The following ZFTA variants were observed in gnomAD, a reference collection of about 807,000 sequenced individuals.
ZFTA encodes the protein zinc finger translocation associated, also known as zinc finger translocation-associated protein.
A neutral mutation model predicts 41.8 loss-of-function variants in ZFTA; 35 were observed. The observed-to-expected ratio is 0.84, with a 90% CI of 0.64 to 1.11. The LOEUF (loss-of-function observed/expected upper bound fraction) is 1.11, where lower values mean the gene tolerates loss of function less well. ZFTA is among the 50% of genes most tolerant of loss of function. The pLI, the probability that ZFTA is intolerant of heterozygous loss-of-function variation, is 0.00. For missense variants in ZFTA, 964 were observed against 989.8 expected, an observed-to-expected ratio of 0.97 and a Z score of 0.35; for synonymous variants, 514 against 436.4, an observed-to-expected ratio of 1.18 and a Z score of -2.22.
chr11:63,766,973 C>T (rs924192821), intron 1 of ZFTA, among the ~76,000 whole-genome samples: 2 of 152,228 alleles, frequency 1.3e-5, no homozygotes, highest in Non-Finnish European at 2.9e-5. Context: ...GAGCCAATGA[C>T]CCTGTAAAGG....
At position 63,765,898 on chromosome 11, in the gene ZFTA, C is replaced by CA; in HGVS notation, c.545dup (p.Val184GlyfsTer5). ...CCTCCTCCTCAGCCCCCTGGACCCC[C>CA]AGGCCCTCGGCCTCTCCGCAGGCCC... On this transcript the variant is annotated frameshift_variant, in exon 2 of 5. Coordinates refer to ENST00000433688, the MANE Select transcript of ZFTA (RefSeq NM_001144936.2). LOFTEE classifies it high-confidence loss of function. The surrounding 1 kb of genome is among the most constrained non-coding windows in gnomAD (Gnocchi z 4.0). 1 of 1,548,960 alleles carries CA rather than the reference C, an allele frequency of 6.5e-7. No individual in the cohort carries two copies. The highest frequency in any genetic ancestry group is 8.7e-7 in the Non-Finnish European group (1 of 1,145,954).
At position 63,764,400 on chromosome 11, in the gene ZFTA, G is replaced by C; in HGVS notation, c.1223C>G (p.Ser408Trp). ...GCGGCGGTGGGCGCGGCCCCGCGGCGACCGGCCCGGGACCCCCGCCCTCTC... is the reference window on the plus strand; with the variant it reads ...GCGGCGGTGGGCGCGGCCCCGCGGCCACCGGCCCGGGACCCCCGCCCTCTC... ...EGERAGVPGR[S>W]PRGRAHRRHP... Residue 408 changes from serine (S) to tryptophan (W), a missense_variant, in exon 4 of 5, where the codon TCG becomes TGG. By Grantham distance (177) the Ser-to-Trp change is radical. Transcript: ENST00000433688. The C allele has an allele frequency of 1.5e-6, 2 of 1,294,764 alleles. No homozygotes were observed. The highest frequency in any genetic ancestry group is 2.0e-6 in the Non-Finnish European group (2 of 1,025,120). The allele number at this position is 1,294,764 out of a possible 1,614,324, so 80.2% of individuals were successfully genotyped here.
At position 63,762,308 on chromosome 11, in the gene ZFTA, TAC is replaced by T. The variant is rs2014656381; in HGVS notation, c.*1108_*1109del. The T allele has an allele frequency of 6.6e-6, 1 of 152,056 alleles. No homozygotes were observed. Among genetic ancestry groups the T allele is most frequent in the Non-Finnish European group, 1.5e-5 (1 of 68,030 alleles). 9.4% of individuals were successfully genotyped at this position (152,056 alleles called of 1,614,324 possible). Reference sequence around the variant, plus strand: ...CCCCCTTTCATATAAAAGCATTAAATACAGTTTCAAAATAAAATACAAAGAGC... The same window carrying T: ...CCCCCTTTCATATAAAAGCATTAAATAGTTTCAAAATAAAATACAAAGAGC... On this transcript the variant is annotated 3_prime_UTR_variant, in exon 5 of 5. Transcript: ENST00000433688.
chr11:63,764,190 C>G lies in ZFTA; in HGVS notation c.1433G>C (p.Arg478Pro), dbSNP rs1354203460. The change falls in exon 4 of 5, where the codon CGG (arginine) becomes CCG (proline). Residue 478 changes from arginine (R) to proline (P), a missense_variant. Physicochemically the swap from Arg to Pro is moderately radical, Grantham distance 103. This residue lies in a region of ZFTA where 584 missense variants were observed against 523.1 expected (regional missense o/e 1.12). Transcript: ENST00000433688. ...LGGPVQALIA[R>P]EWSEKAAHLL... ...GTGGGCGGCCTTCTCGCTCCACTCC[C>G]GGGCGATGAGGGCCTGGACAGGCCC... 1 of 1,391,018 alleles carries G rather than the reference C, an allele frequency of 7.2e-7. No homozygotes were observed. The highest frequency in any genetic ancestry group is 9.2e-7 in the Non-Finnish European group (1 of 1,082,978). 86.2% of individuals were successfully genotyped at this position (1,391,018 alleles called of 1,614,324 possible).
Position 63,768,586 on chromosome 11 carries a change from C to T in ZFTA, c.37G>A (p.Gly13Ser). 1.9e-6 allele frequency: 2 copies of T among 1,045,288 alleles called. No individual in the cohort carries two copies. Among genetic ancestry groups the T allele is most frequent in the Non-Finnish European group, 1.1e-6 (1 of 871,702 alleles). The allele number at this position is 1,045,288 out of a possible 1,614,324, so 64.8% of individuals were successfully genotyped here. The change falls in exon 1 of 5, where the codon GGC (glycine) becomes AGC (serine). Residue 13 changes from glycine (G) to serine (S), a missense_variant. Transcript: ENST00000433688. Reference sequence around the variant, plus strand: ...GCTGGCCCGGGGCCGCCCCTGCCGCCGCTGCTCCGGCTCCGGTGGTCCCCG... The same window carrying T: ...GCTGGCCCGGGGCCGCCCCTGCCGCTGCTGCTCCGGCTCCGGTGGTCCCCG... ...PGGDHRSRSS[G>S]GRGGPGPAVA...
intron 3 of ZFTA, 33 bp from the exon 4 acceptor site, chr11:63,764,631 G>T: frequency 1.6e-6 from 2 of 1,263,974 alleles, no homozygotes; most frequent in South Asian, 3.4e-5. Context: ...GAGGGGCTCA[G>T]CCTGCTGGCT....
In ZFTA at chr11:63,762,579, T is replaced by TAGGC. The variant is rs2014661966; in HGVS notation, c.*838_*839insGCCT. ...TCGAAGGCTGACTGCCGGGACCGCC[T>TAGGC]GTGCCCCGGGCTCCCACGGACTTGG... On this transcript the variant is annotated 3_prime_UTR_variant, in exon 5 of 5. Coordinates refer to ENST00000433688, the MANE Select transcript of ZFTA (RefSeq NM_001144936.2). 6.6e-6 allele frequency: 1 copy of TAGGC among 152,330 alleles called. No individual in the cohort carries two copies. The highest frequency in any genetic ancestry group is 1.5e-5 in the Non-Finnish European group (1 of 68,160). The allele number at this position is 152,330 out of a possible 1,614,324, so 9.4% of individuals were successfully genotyped here.
intron 1 of ZFTA, among the ~76,000 whole-genome samples, chr11:63,768,232 G>C (rs934596094): frequency 1.3e-5 from 2 of 151,374 alleles, no homozygotes; most frequent in Non-Finnish European, 3.0e-5. Context: ...CCCCCAAGGC[G>C]GGGCGCTGCG....
rs1419545858 is a variant in ZFTA, at chr11:63,763,226, A to C, written c.*192T>G. ...AGCGCACCGACTGGCTCAGGGACCC[A>C]AGTGGCACCGCGCAGACGCCGGTGG... On this transcript the variant is annotated 3_prime_UTR_variant, in exon 5 of 5. Transcript: ENST00000433688. 4.1e-6 allele frequency: 1 copy of C among 245,234 alleles called. No individual in the cohort carries two copies. Among genetic ancestry groups the C allele is most frequent in the Non-Finnish European group, 7.5e-6 (1 of 133,980 alleles). The allele number at this position is 245,234 out of a possible 1,614,324, so 15.2% of individuals were successfully genotyped here. A position where few individuals can be genotyped will look rare whatever the true frequency, so the allele number is the denominator to read the frequency against.
chr11:63,765,820 C>T lies in ZFTA; in HGVS notation c.624G>A (p.Pro208=), dbSNP rs1051540011. 18 of 1,482,212 alleles carry T rather than the reference C, an allele frequency of 1.2e-5. No homozygotes were observed. In the African/African-American group the frequency reaches 1.8e-4, roughly 15 times the overall value. The allele number at this position is 1,482,212 out of a possible 1,614,324, so 91.8% of individuals were successfully genotyped here. ...CATTTGCATTACCTGGGCCCTTGGG[C>T]GGGCAAGCTGGGACACCGGCCCCCT... ...EEEGAGVPAC[P]PKGPGKAPAG... is the part of the protein sequence containing the mutation. Residue 208 remains proline (P), a synonymous_variant, in exon 2 of 5, where the codon CCG becomes CCA. Transcript: ENST00000433688. The surrounding 1 kb of genome is among the most constrained non-coding windows in gnomAD (Gnocchi z 4.0).
rs1226976842 is a variant in ZFTA at position 63,760,790 on chromosome 11, C to A, written c.*2628G>T. On this transcript the variant is annotated 3_prime_UTR_variant, in exon 5 of 5. Coordinates refer to ENST00000433688, the MANE Select transcript of ZFTA (RefSeq NM_001144936.2). ...GGGCTCATGAAAACACTGCTAGGCC[C>A]CAACCAAGTTTCTGATTCAGTAACC... The A allele has an allele frequency of 6.6e-6, 1 of 152,212 alleles. No individual in the cohort carries two copies. Among genetic ancestry groups the A allele is most frequent in the Admixed American group, 6.5e-5 (1 of 15,280 alleles). 9.4% of individuals were successfully genotyped at this position (152,212 alleles called of 1,614,324 possible).
In ZFTA at chr11:63,764,207, G is replaced by A; in HGVS notation, c.1416C>T (p.Val472=). ...HPGSTRLGGP[V]QALIAREWSE... is the part of the protein sequence containing the mutation. ...TCCACTCCCGGGCGATGAGGGCCTG[G>A]ACAGGCCCGCCGAGGCGCGTGGAGC... Residue 472 remains valine (V), a synonymous_variant, in exon 4 of 5, where the codon GTC becomes GTT. Transcript: ENST00000433688. 1.4e-6 allele frequency: 2 copies of A among 1,416,648 alleles called. No individual in the cohort carries two copies. The highest frequency in any genetic ancestry group is 9.1e-7 in the Non-Finnish European group (1 of 1,096,980). The allele number at this position is 1,416,648 out of a possible 1,614,324, so 87.8% of individuals were successfully genotyped here.
chr11:63,766,148 C>T lies in ZFTA; in HGVS notation c.296G>A (p.Arg99His), dbSNP rs2014741880. Residue 99 changes from arginine to histidine, a missense_variant, in exon 2 of 5, where the codon CGT (arginine) becomes CAT (histidine). Physicochemically the swap from Arg to His is conservative, Grantham distance 29 (BLOSUM62 0). Coordinates refer to ENST00000433688, the MANE Select transcript of ZFTA (RefSeq NM_001144936.2). ...GTCGTGGTAGTAGCGCCGGTGGTCA[C>T]GGCCAGGGATGCGGCTCTTTCCAGG... is the stretch of plus-strand genomic sequence containing the variant. ...SRPGKSRIPG[R>H]DHRRYYHDHW... 3 of 1,516,722 alleles carry T rather than the reference C, an allele frequency of 2.0e-6. No homozygotes were observed. Among genetic ancestry groups the T allele is most frequent in the Non-Finnish European group, 2.7e-6 (3 of 1,129,786 alleles). The allele number at this position is 1,516,722 out of a possible 1,614,324, so 94.0% of individuals were successfully genotyped here.
chr11:63,760,971 AATCTAACCCCTCTGCCCTGGCTT>A lies in ZFTA; in HGVS notation c.*2424_*2446del, dbSNP rs1565056333. On this transcript the variant is annotated 3_prime_UTR_variant, in exon 5 of 5. Coordinates refer to ENST00000433688, the MANE Select transcript of ZFTA (RefSeq NM_001144936.2). ...CTCTCTCTGCCTACGGAGGGGGGGG[AATCTAACCCCTCTGCCCTGGCTT>A]ATCCGAACTTTGGCAGTGGGCTTGA... The A allele has an allele frequency of 6.6e-6, 1 of 151,720 alleles. No homozygotes were observed. Among genetic ancestry groups the A allele is most frequent in the Non-Finnish European group, 1.5e-5 (1 of 67,958 alleles). 9.4% of individuals were successfully genotyped at this position (151,720 alleles called of 1,614,324 possible).
At position 63,766,281 on chromosome 11, in the gene ZFTA, C is replaced by T; in HGVS notation, c.163G>A (p.Gly55Ser). ...GCACTCCCCCAGGACCCCAAGGCAC[C>T]CCCTTCCAGCTGAAGATCTTGCCCT... ...EGGQDLQLEGGALGSWGSAPL... is the reference protein window; with the variant it reads ...EGGQDLQLEGSALGSWGSAPL... Residue 55 changes from glycine (G) to serine (S), a missense_variant, in exon 2 of 5, where the codon GGT (glycine) becomes AGT (serine). Coordinates refer to ENST00000433688, the MANE Select transcript of ZFTA (RefSeq NM_001144936.2). 2 of 1,456,942 alleles carry T rather than the reference C, an allele frequency of 1.4e-6. No homozygotes were observed. The highest frequency in any genetic ancestry group is 1.4e-5 in the South Asian group (1 of 69,778). 90.3% of individuals were successfully genotyped at this position (1,456,942 alleles called of 1,614,324 possible).
intron 1 of ZFTA, among the ~76,000 whole-genome samples, 176 bp downstream of exon 1, chr11:63,768,308 T>C (rs1048549123): frequency 4.0e-5 from 6 of 148,752 alleles, no homozygotes; most frequent in Non-Finnish European, 7.5e-5. Context: ...CCCCGGGAGC[T>C]GGGCGGGGGG....
At position 63,764,359 on chromosome 11, in the gene ZFTA, A is replaced by G. The variant is rs764256292; in HGVS notation, c.1264T>C (p.Trp422Arg). 9.8e-6 allele frequency: 13 copies of G among 1,326,730 alleles called. No homozygotes were observed. In the South Asian group the frequency reaches 1.1e-4, roughly 11 times the overall value. The allele number at this position is 1,326,730 out of a possible 1,614,324, so 82.2% of individuals were successfully genotyped here. A position where few individuals can be genotyped will look rare whatever the true frequency, so the allele number is the denominator to read the frequency against. ...RAHRRHPQER[W>R]RLEYLMELDG... Reference sequence around the variant, plus strand: ...AACTCCATGAGGTACTCCAGCCGCCAGCGCTCCTGGGGGTGGCGGCGGTGG... The same window carrying G: ...AACTCCATGAGGTACTCCAGCCGCCGGCGCTCCTGGGGGTGGCGGCGGTGG... The change falls in exon 4 of 5, where the codon TGG becomes CGG. Residue 422 changes from tryptophan (W) to arginine (R), a missense_variant. Coordinates refer to ENST00000433688, the MANE Select transcript of ZFTA (RefSeq NM_001144936.2).
chr11:63,766,395 T>TG lies in ZFTA; in HGVS notation c.140-92dup, dbSNP rs2014746171. ...GATGGTGAGCCCTGAGAAAGGGAGC[T>TG]GGGGGAGGGGGTGTTCCGGGGCAGG... is the stretch of plus-strand genomic sequence containing the variant. On this transcript the variant is annotated intron_variant, in intron 1 of 4. Coordinates refer to ENST00000433688, the MANE Select transcript of ZFTA (RefSeq NM_001144936.2). 5.8e-6 allele frequency: 8 copies of TG among 1,381,886 alleles called. No homozygotes were observed. In the East Asian group the frequency reaches 2.0e-4, roughly 34 times the overall value. The allele number at this position is 1,381,886 out of a possible 1,614,324, so 85.6% of individuals were successfully genotyped here. A position where few individuals can be genotyped will look rare whatever the true frequency, so the allele number is the denominator to read the frequency against.
Position 63,764,599 on chromosome 11 carries a change from C to T in ZFTA, c.1025-1G>A. On this transcript the variant is annotated splice_acceptor_variant, in intron 3 of 4. Transcript: ENST00000433688. LOFTEE classifies it high-confidence loss of function. ...AGGTCCTGGGGGGCGAGGTCATCGC[C>T]TGTTGGGGAAGGGGTGAGGGAGAGG... The T allele has an allele frequency of 2.4e-6, 3 of 1,256,180 alleles. No individual in the cohort carries two copies. The highest frequency in any genetic ancestry group is 3.0e-6 in the Non-Finnish European group (3 of 997,942). The allele number at this position is 1,256,180 out of a possible 1,614,324, so 77.8% of individuals were successfully genotyped here.
Sources: gnomAD v4.1 joint callset for allele counts (sites outside exome capture counted in the v4.1 genomes callset) on GRCh38, gnomAD v4.1.1 for gene constraint, gnomAD v4.1.1 regional missense constraint, Gnocchi (gnomAD v3.1) non-coding constraint, MANE v1.5 for transcripts, NCBI Gene and HGNC (gene_info 2026-07-23, HGNC 2026-07-21) for gene names.